Variants in HECTD4 observed in about 807,000 individuals in gnomAD.
The protein encoded by HECTD4 is HECT domain E3 ubiquitin protein ligase 4.
In HECTD4, 114 loss-of-function variants were observed where a neutral mutation model predicts 471.5. The ratio of observed to expected loss-of-function variants is 0.24; its 90% confidence interval spans 0.21 to 0.28. The LOEUF (loss-of-function observed/expected upper bound fraction) is 0.28. Ranked by LOEUF, HECTD4 falls within the 10% of genes least tolerant of loss-of-function variation. The pLI, the probability that HECTD4 is intolerant of heterozygous loss-of-function variation, is 1.00. For synonymous variants in HECTD4, 2,012 were observed against 2,256.0 expected (o/e 0.89, Z 3.07); for missense variants, 3,866 against 5,651.5 (o/e 0.68, Z 10.13).
chr12:112,193,324 A>C lies in HECTD4; in HGVS notation c.8956-133T>G. The stretch of plus-strand genomic sequence containing the variant: ...TCTGGAAGGAAGCAAGCTACAGATG[A>C]GATAAAGCAGAAAAGCTTCTAGGAA... On this transcript the variant is annotated intron_variant, in intron 57 of 75. Transcript: ENST00000682272. This position sits in a 1 kb window ranked among gnomAD's most constrained non-coding sequence, Gnocchi z 5.2. 1 of 1,346,244 alleles carries C rather than the reference A, an allele frequency of 7.4e-7. No homozygotes were observed. Among genetic ancestry groups the C allele is most frequent in the East Asian group, 2.5e-5 (1 of 39,926 alleles). The allele number at this position is 1,346,244 out of a possible 1,614,324, so 83.4% of individuals were successfully genotyped here. A position where few individuals can be genotyped will look rare whatever the true frequency, so the allele number is the denominator to read the frequency against.
chr12:112,176,832 G>A (rs1042909739), intron 64 of HECTD4, 130 bp from the exon 65 acceptor site: 4 of 713,126 alleles, frequency 5.6e-6, no homozygotes, highest in Middle Eastern at 4.7e-4. Context: ...GATAGGGCGG[G>A]GGCGTTCAAG....
intron 11 of HECTD4, among the ~76,000 whole-genome samples, chr12:112,272,198 C>T (rs1223236056): frequency 6.6e-6 from 1 of 152,104 alleles, no homozygotes; most frequent in East Asian, 1.9e-4. Context: ...CAGGCGCCTG[C>T]CACCACACCC....
chr12:112,231,478 TGA>T (rs1566080861), intron 39 of HECTD4, 33 bp downstream of exon 39: 1 of 1,582,770 alleles, frequency 6.3e-7, no homozygotes, highest in Non-Finnish European at 8.7e-7. Context: ...AAACCTGAGA[TGA>T]GTGTGGACAG....
At chr12:112,212,401 C>T in intron 49 of HECTD4, 86 bp downstream of exon 49, 2 of 1,068,968 alleles carry the variant, frequency 1.9e-6, no homozygotes, top group South Asian at 1.4e-5. Context: ...CAATGAGGGC[C>T]CGTTTGCTCC....
Position 112,162,265 on chromosome 12 carries a change from T to A in HECTD4, c.*122A>T. The A allele has an allele frequency of 8.3e-7, 1 of 1,205,186 alleles. No homozygotes were observed. Among genetic ancestry groups the A allele is most frequent in the South Asian group, 1.4e-5 (1 of 70,140 alleles). 74.7% of individuals were successfully genotyped at this position (1,205,186 alleles called of 1,614,324 possible). A position where few individuals can be genotyped will look rare whatever the true frequency, so the allele number is the denominator to read the frequency against. On this transcript the variant is annotated 3_prime_UTR_variant, in exon 76 of 76. Transcript: ENST00000682272. The surrounding 1 kb of genome is among the most constrained non-coding windows in gnomAD (Gnocchi z 5.2). Reference sequence around the variant, plus strand: ...AGGCCCTGGAATGTGGACGAAAGTTTGGAAAAGCAAAATGTTGCCAACTCC... The same window carrying A: ...AGGCCCTGGAATGTGGACGAAAGTTAGGAAAAGCAAAATGTTGCCAACTCC...
intron 7 of HECTD4, among the ~76,000 whole-genome samples, chr12:112,291,599 G>A (rs2034887238): frequency 3.3e-5 from 5 of 152,176 alleles, no homozygotes; most frequent in African/African-American, 7.2e-5. Context: ...AGAGCCAGGC[G>A]CAGTGGCTCA....
At chr12:112,302,982 T>C (rs1442801727) in intron 7 of HECTD4, among the ~76,000 whole-genome samples, 2 of 149,860 alleles carry the variant, frequency 1.3e-5, no homozygotes, top group Admixed American at 1.3e-4. Context: ...TCTGCTCTTT[T>C]TTTTTTTTTT....
At chr12:112,342,317 T>A (rs990439515) in intron 1 of HECTD4, among the ~76,000 whole-genome samples, 1 of 152,078 alleles carries the variant, frequency 6.6e-6, no homozygotes, top group Non-Finnish European at 1.5e-5. Flanking sequence ...ATTAGCCAGT[T>A]GTGATAGTGC....
chr12:112,170,573 C>A, intron 68 of HECTD4, 121 bp from the exon 69 acceptor site: 1 of 1,305,456 alleles, frequency 7.7e-7, no homozygotes, highest in Non-Finnish European at 1.1e-6. Flanking sequence ...GCAGTAGAGC[C>A]GGGCCCTGAC....
intron 23 of HECTD4, among the ~76,000 whole-genome samples, chr12:112,252,137 T>G (rs2135590497): frequency 6.6e-6 from 1 of 152,306 alleles, no homozygotes; most frequent in South Asian, 2.1e-4. Flanking sequence ...TATTGAGTCC[T>G]CTTTGCCCTG....
intron 21 of HECTD4, 47 bp from the exon 22 acceptor site, chr12:112,254,209 A>T (rs1321333458): frequency 1.1e-5 from 17 of 1,594,444 alleles, no homozygotes; most frequent in Non-Finnish European, 1.3e-5. Flanking sequence ...AAAAACAAAA[A>T]CAACATCTAC....
Position 112,256,460 on chromosome 12 carries a change from A to G in HECTD4, c.3187T>C (p.Trp1063Arg). 6.2e-7 allele frequency: 1 copy of G among 1,611,380 alleles called. No homozygotes were observed. The highest frequency in any genetic ancestry group is 8.5e-7 in the Non-Finnish European group (1 of 1,178,784). Residue 1063 changes from tryptophan to arginine, a missense_variant, in exon 21 of 76, where the codon TGG becomes CGG. Physicochemically the swap from Trp to Arg is moderately radical, Grantham distance 101 (BLOSUM62 -3). This residue lies in a region of HECTD4 where 525 missense variants were observed against 672.6 expected (regional missense o/e 0.78). Coordinates refer to ENST00000682272, the MANE Select transcript of HECTD4 (RefSeq NM_001388303.1). ...FLTGLKIPAP[W>R]AAGKTVETVH... ...GTTTCCACAGTCTTTCCAGCAGCCCATGGGGCAGGAATCTTTAAACCAGTG... is the reference window on the plus strand; with the variant it reads ...GTTTCCACAGTCTTTCCAGCAGCCCGTGGGGCAGGAATCTTTAAACCAGTG...
At chr12:112,168,596 G>T (rs1369442852) in intron 70 of HECTD4, among the ~76,000 whole-genome samples, 1 of 152,280 alleles carries the variant, frequency 6.6e-6, no homozygotes, top group South Asian at 2.1e-4. Context: ...CAGTGTGGGG[G>T]CCCAGTGCAG....
intron 39 of HECTD4, chr12:112,231,134 C>G (rs571772811): frequency 6.3e-5 from 28 of 446,008 alleles, no homozygotes; most frequent in African/African-American, 9.7e-5. Flanking sequence ...ACCAACTTCA[C>G]AGAGGCAACA....
At position 112,313,125 on chromosome 12, in the gene HECTD4, G is replaced by T. The variant is rs1391622952; in HGVS notation, c.808C>A (p.Pro270Thr). The change falls in exon 4 of 76, where the codon CCT (proline) becomes ACT (threonine). Residue 270 changes from proline (P) to threonine (T), a missense_variant. By Grantham distance (38) the Pro-to-Thr change is conservative. Coordinates refer to ENST00000682272, the MANE Select transcript of HECTD4 (RefSeq NM_001388303.1). ...LYRLLLLEGGPGSPSCLLGGK... is the reference protein window; with the variant it reads ...LYRLLLLEGGTGSPSCLLGGK... Reference sequence around the variant, plus strand: ...CCAAGCAAACAGGAGGGAGATCCAGGCCCCCCTTCCAAAAGCAACAGCCTA... The same window carrying T: ...CCAAGCAAACAGGAGGGAGATCCAGTCCCCCCTTCCAAAAGCAACAGCCTA... 2.0e-6 allele frequency: 3 copies of T among 1,535,008 alleles called. No homozygotes were observed. Among genetic ancestry groups the T allele is most frequent in the Non-Finnish European group, 2.6e-6 (3 of 1,146,402 alleles).
In HECTD4 at chr12:112,212,561, A is replaced by T. The variant is rs2032793787; in HGVS notation, c.7555T>A (p.Cys2519Ser). ...AGATATGGTGAGAGGCGCTGCCCGCAGTATGTGAAGTACACCCGGCCCTTG... is the reference window on the plus strand; with the variant it reads ...AGATATGGTGAGAGGCGCTGCCCGCTGTATGTGAAGTACACCCGGCCCTTG... Reference protein sequence around the residue: ...PAKGRVYFTYCGQRLSPYLED... With the variant: ...PAKGRVYFTYSGQRLSPYLED... The change falls in exon 49 of 76, where the codon TGC becomes AGC. Residue 2519 changes from cysteine (C) to serine (S), a missense_variant. Coordinates refer to ENST00000682272, the MANE Select transcript of HECTD4 (RefSeq NM_001388303.1). 1 of 1,613,802 alleles carries T rather than the reference A, an allele frequency of 6.2e-7. No homozygotes were observed.
At chr12:112,167,678 G>A in intron 71 of HECTD4, 136 bp downstream of exon 71, 2 of 1,028,200 alleles carry the variant, frequency 1.9e-6, no homozygotes, top group Non-Finnish European at 1.5e-6. Context: ...ATCCAGTGAG[G>A]CAAGGACCTG....
At chr12:112,291,900 T>C (rs2034896485) in intron 7 of HECTD4, among the ~76,000 whole-genome samples, 1 of 152,150 alleles carries the variant, frequency 6.6e-6, no homozygotes, top group South Asian at 2.1e-4. Flanking sequence ...CTTTTTACAG[T>C]TGGCAATTGG....
chr12:112,178,834 C>T, intron 64 of HECTD4, 97 bp downstream of exon 64: 2 of 1,360,516 alleles, frequency 1.5e-6, no homozygotes, highest in Admixed American at 5.2e-5. Context: ...TGACACCAGG[C>T]TCCTCCAGAG....
Sources: allele counts gnomAD v4.1 joint callset (sites outside exome capture counted in the v4.1 genomes callset), GRCh38; gene constraint gnomAD v4.1.1; regional missense constraint gnomAD v4.1.1; non-coding constraint Gnocchi (gnomAD v3.1); transcripts MANE v1.5; gene names NCBI Gene and HGNC (gene_info 2026-07-23, HGNC 2026-07-21).